Variants in ANKRD18B observed in about 807,000 individuals in gnomAD.
ANKRD18B encodes the protein ankyrin repeat domain-containing protein 18B.
In ANKRD18B, 75 loss-of-function variants were observed where a neutral mutation model predicts 111.8. That is an observed-to-expected ratio of 0.67 (90% CI 0.56 to 0.81). The LOEUF is 0.81. ANKRD18B is among the 40% of genes least tolerant of loss of function. ANKRD18B has a pLI of 0.00. For synonymous variants in ANKRD18B, 356 were observed against 417.3 expected, an observed-to-expected ratio of 0.85 and a Z score of 1.79; for missense variants, 1,038 against 1,225.5, an observed-to-expected ratio of 0.85 and a Z score of 2.28.
chr9:33,545,298 C>A (rs193246826), intron 10 of ANKRD18B, among the ~76,000 whole-genome samples: 77 of 152,140 alleles, frequency 5.1e-4, no homozygotes, highest in African/African-American at 1.8e-3. Flanking sequence ...TGAAAAAAGA[C>A]CAAGAGTTTG....
chr9:33,567,976 C>T (rs1167847086), intron 16 of ANKRD18B, among the ~76,000 whole-genome samples: 3 of 152,210 alleles, frequency 2.0e-5, no homozygotes, highest in Non-Finnish European at 4.4e-5. Flanking sequence ...AGCCCCACCT[C>T]CAGTGCCTTG....
At position 33,572,340 on chromosome 9, in the gene ANKRD18B, C is replaced by T. The variant is rs760516278; in HGVS notation, c.3248C>T (p.Ser1083Phe). 5 of 1,611,618 alleles carry T rather than the reference C, an allele frequency of 3.1e-6. No homozygotes were observed. The African/African-American group carries it at 6.7e-5, about 22-fold the overall frequency. ...KKTFAALGPC[S>F]YLLSSLESTG... ...GCTTTTGCTGCGTTGGGCCCTTGCTCCTATCTACTTTCTTCTCTAGAATCC... is the reference window on the plus strand; with the variant it reads ...GCTTTTGCTGCGTTGGGCCCTTGCTTCTATCTACTTTCTTCTCTAGAATCC... Residue 1083 changes from serine (S) to phenylalanine (F), a missense_variant, in exon 19 of 19, where the codon TCC (serine) becomes TTC (phenylalanine). Ser to Phe is a radical substitution (Grantham distance 155, BLOSUM62 -2). Transcript: ENST00000684830.
intron 16 of ANKRD18B, among the ~76,000 whole-genome samples, chr9:33,568,427 C>G (rs1425072088): frequency 6.6e-6 from 1 of 152,200 alleles, no homozygotes; most frequent in Non-Finnish European, 1.5e-5. Context: ...AGCCATTTCT[C>G]TTCCCTGTCT....
At chr9:33,561,274 T>C (rs976201407) in intron 14 of ANKRD18B, among the ~76,000 whole-genome samples, 1 of 152,232 alleles carries the variant, frequency 6.6e-6, no homozygotes, top group African/African-American at 2.4e-5. Flanking sequence ...TGATTTACAT[T>C]TTCCTAATGA....
intron 11 of ANKRD18B, 128 bp from the exon 12 acceptor site, chr9:33,550,302 A>G: frequency 1.0e-6 from 1 of 998,862 alleles, no homozygotes; most frequent in Non-Finnish European, 1.4e-6. Flanking sequence ...GAAAGTGTAC[A>G]TATGAGGAAA....
chr9:33,524,724 G>A, intron 1 of ANKRD18B, 29 bp downstream of exon 1: 1 of 1,540,924 alleles, frequency 6.5e-7, no homozygotes, highest in East Asian at 2.5e-5. Flanking sequence ...TCGGTGGGAG[G>A]GGGCCCCCAG....
At position 33,534,837 on chromosome 9, in the gene ANKRD18B, T is replaced by C. The variant is rs1828172820; in HGVS notation, c.740+330T>C. 2.0e-5 allele frequency among the ~76,000 whole-genome samples: 3 copies of C among 149,960 alleles called. No individual in the cohort carries two copies. In the South Asian group the frequency reaches 6.3e-4, roughly 32 times the overall value. On this transcript the variant is annotated intron_variant, in intron 5 of 18. Transcript: ENST00000684830. ...TCTTTCTTTCTTCCTTTTTTTTTTTTTTTTTTTGAGACAAGGTCTCACTCT... is the reference window on the plus strand; with the variant it reads ...TCTTTCTTTCTTCCTTTTTTTTTTTCTTTTTTTGAGACAAGGTCTCACTCT...
intron 13 of ANKRD18B, among the ~76,000 whole-genome samples, chr9:33,556,976 C>CT (rs1414162306): frequency 6.6e-6 from 1 of 151,952 alleles, no homozygotes; most frequent in Non-Finnish European, 1.5e-5. Flanking sequence ...TGATCACAGA[C>CT]TTTTTTTAAA....
intron 12 of ANKRD18B, among the ~76,000 whole-genome samples, chr9:33,553,275 G>T (rs1433738438): frequency 6.6e-6 from 1 of 152,052 alleles, no homozygotes; most frequent in African/African-American, 2.4e-5. Context: ...GGCTGTGGTA[G>T]GAGGGTCGCT....
intron 2 of ANKRD18B, 29 bp downstream of exon 2, chr9:33,528,870 G>T (rs1828066703): frequency 1.9e-6 from 3 of 1,578,316 alleles, no homozygotes; most frequent in East Asian, 4.5e-5. Context: ...AGCATGAAAT[G>T]GATTTGATTT....
At chr9:33,571,444 C>CT (rs1220878055) in intron 18 of ANKRD18B, 153 bp downstream of exon 18, 12 of 214,372 alleles carry the variant, frequency 5.6e-5, no homozygotes, top group African/African-American at 2.8e-4. Context: ...AAAACAAAAA[C>CT]TTTCACAGTG....
At chr9:33,557,994 T>A (rs1828551701) in intron 13 of ANKRD18B, 64 bp from the exon 14 acceptor site, 5 of 1,388,790 alleles carry the variant, frequency 3.6e-6, no homozygotes, top group African/African-American at 1.5e-5. Flanking sequence ...TAGTATCTGT[T>A]TAAACAATTA....
At chr9:33,525,447 A>G (rs1266784475) in intron 1 of ANKRD18B, among the ~76,000 whole-genome samples, 1 of 152,238 alleles carries the variant, frequency 6.6e-6, no homozygotes, top group Non-Finnish European at 1.5e-5. Flanking sequence ...GTAGGAAAGG[A>G]CGAGTTATTA....
rs1436319356 is a variant in ANKRD18B, at chr9:33,528,988, T to A, written c.322-12T>A. 6.2e-7 allele frequency: 1 copy of A among 1,611,408 alleles called. No individual in the cohort carries two copies. The highest frequency in any genetic ancestry group is 2.2e-5 in the East Asian group (1 of 44,882). On this transcript the variant is annotated splice_polypyrimidine_tract_variant and intron_variant, in intron 2 of 18. Coordinates refer to ENST00000684830, the MANE Select transcript of ANKRD18B (RefSeq NM_001393611.1). ...AGAATTTATAGTCTAGTTTTTTATC[T>A]AACACTAATAGGCTGTACACTGCCA...
At chr9:33,529,992 G>A (rs1828087583) in intron 3 of ANKRD18B, among the ~76,000 whole-genome samples, 2 of 152,152 alleles carry the variant, frequency 1.3e-5, no homozygotes, top group Admixed American at 6.5e-5. Flanking sequence ...TGGGAGATAA[G>A]CAGCTTATAA....
intron 9 of ANKRD18B, 139 bp downstream of exon 9, chr9:33,541,366 C>T (rs1001438327): frequency 2.4e-6 from 3 of 1,271,388 alleles, no homozygotes; most frequent in Admixed American, 6.5e-5. Flanking sequence ...TTTCACCCAT[C>T]CATGATAAAA....
At chr9:33,542,377 C>CTTTT (rs34380811) in intron 9 of ANKRD18B, among the ~76,000 whole-genome samples, 3 of 137,328 alleles carry the variant, frequency 2.2e-5, no homozygotes, top group Admixed American at 7.5e-5. Context: ...GCCTTTTTTC[C>CTTTT]TTTTTTTTTT....
intron 18 of ANKRD18B, 27 bp from the exon 19 acceptor site, chr9:33,572,280 TAGGTAAAGA>T: frequency 6.6e-7 from 1 of 1,510,888 alleles, no homozygotes; most frequent in South Asian, 1.1e-5. Context: ...TGAAATGTTT[TAGGTAAAGA>T]ACATAATCCT....
chr9:33,575,092 G>A (rs1289021391), downstream of ANKRD18B, among the ~76,000 whole-genome samples: 1 of 152,184 alleles, frequency 6.6e-6, no homozygotes, highest in African/African-American at 2.4e-5. Context: ...TGGCCTCTGG[G>A]CAGCTACTGA....
Sources: allele counts gnomAD v4.1 joint callset (sites outside exome capture counted in the v4.1 genomes callset), GRCh38; gene constraint gnomAD v4.1.1; transcripts MANE v1.5; gene names NCBI Gene and HGNC (gene_info 2026-07-23, HGNC 2026-07-21).